Variants in AMELY observed in about 807,000 individuals in gnomAD.
The protein encoded by AMELY is amelogenin, Y isoform.
Under a neutral mutation model 4.2 loss-of-function variants are expected in AMELY, and 4 were observed. The ratio of observed to expected loss-of-function variants is 0.96; its 90% CI spans 0.47 to 2.19. AMELY has a LOEUF of 2.19. AMELY is among the 30% of genes most tolerant of loss of function. The pLI is 0.02. For synonymous variants in AMELY, 11 were observed against 14.7 expected (o/e 0.75, Z 0.57); for missense variants, 32 against 41.5 (o/e 0.77, Z 0.63).
At chrY:6,892,724 G>A (rs2054084031) in intron 1 of AMELY, among the ~76,000 whole-genome samples, 1 of 33,585 alleles carries the variant, frequency 3.0e-5, no homozygotes, top group Admixed American at 2.7e-4. Flanking sequence ...ATCATCCCTC[G>A]ATATAGGCTG....
chrY:6,885,577 A>G (rs2054079610), intron 1 of AMELY, among the ~76,000 whole-genome samples: 1 of 34,570 alleles, frequency 2.9e-5, no homozygotes, highest in African/African-American at 1.1e-4. Flanking sequence ...ACATTTGCAC[A>G]TATATTTATC....
chrY:6,871,873 C>T (rs2054068014), intron 3 of AMELY, among the ~76,000 whole-genome samples: 2 of 31,633 alleles, frequency 6.3e-5, no homozygotes, highest in East Asian at 1.6e-3. Flanking sequence ...GCAGGAGAAT[C>T]GCTTGAACCT....
chrY:6,905,034 T>C (rs2011658921), intron 1 of AMELY, among the ~76,000 whole-genome samples: 1 of 33,553 alleles, frequency 3.0e-5, no homozygotes, highest in Admixed American at 2.7e-4. Flanking sequence ...CACCATTGGA[T>C]CTGCTGGGTC....
At chrY:6,890,271 C>G (rs2054082399) in intron 1 of AMELY, among the ~76,000 whole-genome samples, 1 of 32,208 alleles carries the variant, frequency 3.1e-5, no homozygotes, top group Admixed American at 2.9e-4. Context: ...TCATGAAGAC[C>G]CCTGCCCAAC....
intron 1 of AMELY, among the ~76,000 whole-genome samples, chrY:6,899,817 C>T (rs2054088286): frequency 3.0e-5 from 1 of 33,006 alleles, no homozygotes; most frequent in Non-Finnish European, 7.4e-5. Context: ...GAGGCCAAGG[C>T]GGGCAGATCA....
In AMELY at chrY:6,868,769, G is replaced by A. The variant is rs745655245; in HGVS notation, c.110C>T (p.Thr37Ile). The change falls in exon 5 of 7, where the codon ACC becomes ATC. Residue 37 changes from threonine to isoleucine, a missense_variant. Transcript: ENST00000651267. ...GYINFSYEVL[T>I]PLKWYQSMIR... ...CATGCTCTGGTACCACTTCAAAGGG[G>A]TGAGCACCTTAAGAGAAAGATATAT... The A allele has an allele frequency of 2.6e-6, 1 of 391,832 alleles. No individual in the cohort carries two copies. The highest frequency in any genetic ancestry group is 3.6e-6 in the Non-Finnish European group (1 of 278,683).
intron 6 of AMELY, 76 bp downstream of exon 6, chrY:6,867,961 C>T: frequency 3.0e-6 from 1 of 331,629 alleles, no homozygotes; most frequent in Non-Finnish European, 4.4e-6. Flanking sequence ...TTGTTGGACC[C>T]CTTAGAACTC....
At chrY:6,896,576 C>A in intron 1 of AMELY, among the ~76,000 whole-genome samples, 1 of 33,754 alleles carries the variant, frequency 3.0e-5, no homozygotes, top group African/African-American at 1.2e-4. Flanking sequence ...TAGCTCACAG[C>A]TTTCATCTCA....
Position 6,872,569 on chromosome Y carries a change from C to T in AMELY, c.40G>A (p.Ala14Thr). The change falls in exon 3 of 7, where the codon GCT becomes ACT. Residue 14 changes from alanine (A) to threonine (T), a missense_variant. Transcript: ENST00000651267. ...GTTTTACTCACAGGCATGGCAAAAGCTGCTCCCACAAGGCAGGCAAACAAA... is the reference window on the plus strand; with the variant it reads ...GTTTTACTCACAGGCATGGCAAAAGTTGCTCCCACAAGGCAGGCAAACAAA... ...WILFACLVGA[A>T]FAMPLPPHPG... is the part of the protein sequence containing the mutation. 5 of 395,427 alleles carry T rather than the reference C, an allele frequency of 1.3e-5. No individual in the cohort carries two copies. The highest frequency in any genetic ancestry group is 6.4e-5 in the African/African-American group (1 of 15,612).
At chrY:6,873,537 C>G in intron 2 of AMELY, among the ~76,000 whole-genome samples, 5 of 32,785 alleles carry the variant, frequency 1.5e-4, no homozygotes, top group Non-Finnish European at 3.0e-4. Flanking sequence ...ATGAGTACTA[C>G]ATTGATGTTG....
intron 1 of AMELY, among the ~76,000 whole-genome samples, chrY:6,908,536 G>A: frequency 3.6e-5 from 1 of 28,151 alleles, no homozygotes; most frequent in African/African-American, 1.4e-4. Context: ...TTTTTCCCCT[G>A]CCTCCAATTA....
In AMELY at chrY:6,868,110, G is replaced by A; in HGVS notation, c.500C>T (p.Pro167Leu). ...PPLPPMFPLR[P>L]LPPILPDLHL... ...CAGATCAGGAAGTATGGGGGGCAGG[G>A]GCCGCAGGGGGAACATTGGAGGCAG... Residue 167 changes from proline to leucine, a missense_variant, in exon 6 of 7, where the codon CCC becomes CTC. By Grantham distance (98) the Pro-to-Leu change is moderately conservative (BLOSUM62 -3). Transcript: ENST00000651267. 1 of 393,954 alleles carries A rather than the reference G, an allele frequency of 2.5e-6. No individual in the cohort carries two copies. The highest frequency in any genetic ancestry group is 6.5e-5 in the African/African-American group (1 of 15,366).
At chrY:6,877,752 A>G in intron 1 of AMELY, among the ~76,000 whole-genome samples, 1 of 33,045 alleles carries the variant, frequency 3.0e-5, no homozygotes, top group Non-Finnish European at 7.4e-5. Flanking sequence ...ATGGCTATGA[A>G]CAGGGATGCT....
At chrY:6,874,969 A>T in intron 1 of AMELY, among the ~76,000 whole-genome samples, 1 of 33,578 alleles carries the variant, frequency 3.0e-5, no homozygotes, top group Non-Finnish European at 7.4e-5. Context: ...TCAATATTAA[A>T]TTAATAAAGG....
intron 1 of AMELY, among the ~76,000 whole-genome samples, chrY:6,896,262 G>C: frequency 3.0e-5 from 1 of 33,114 alleles, no homozygotes; most frequent in South Asian, 7.0e-4. Context: ...CTAGCCCAAG[G>C]CTGGTGCAAT....
At chrY:6,866,629 A>C (rs2054062053) in intron 6 of AMELY, among the ~76,000 whole-genome samples, 1 of 28,730 alleles carries the variant, frequency 3.5e-5, no homozygotes, top group African/African-American at 1.3e-4. Flanking sequence ...GGATTCAATC[A>C]ATTTCCTTTC....
chrY:6,905,486 CTCTT>C (rs1161622418), intron 1 of AMELY, among the ~76,000 whole-genome samples: 12 of 28,001 alleles, frequency 4.3e-4, no homozygotes, highest in East Asian at 4.2e-3. Context: ...TTCTTTCTTT[CTCTT>C]TCTTTCTTTC....
At chrY:6,878,468 C>T in intron 1 of AMELY, among the ~76,000 whole-genome samples, 1 of 33,122 alleles carries the variant, frequency 3.0e-5, no homozygotes, top group Admixed American at 2.8e-4. Flanking sequence ...CAAAAAGAGA[C>T]GTGGATTATC....
At chrY:6,873,403 C>T (rs2054069888) in intron 2 of AMELY, among the ~76,000 whole-genome samples, 1 of 33,144 alleles carries the variant, frequency 3.0e-5, no homozygotes, top group Non-Finnish European at 7.4e-5. Context: ...TGAATTAAAA[C>T]TTGTTCACTT....
Sources: gnomAD v4.1 joint callset for allele counts (sites outside exome capture counted in the v4.1 genomes callset) on GRCh38, gnomAD v4.1.1 for gene constraint, MANE v1.5 for transcripts, NCBI Gene and HGNC (gene_info 2026-07-23, HGNC 2026-07-21) for gene names.